ATP11A: variants seen among roughly 807,000 people sequenced by gnomAD.
ATP11A encodes ATPase phospholipid transporting 11A.
ATP11A carries 81 observed loss-of-function variants against 154.4 expected under a neutral mutation model. That is an observed-to-expected ratio of 0.52 (90% CI 0.44 to 0.63). The LOEUF is 0.63. ATP11A is among the 30% of genes least tolerant of loss of function. ATP11A has a pLI of 0.00. For missense variants in ATP11A, 1,316 were observed against 1,474.3 expected, an observed-to-expected ratio of 0.89 and a Z score of 1.76; for synonymous variants, 623 against 585.9, an observed-to-expected ratio of 1.06 and a Z score of -0.91.
At chr13:112,760,724 A>G (rs447717) in intron 1 of ATP11A, among the ~76,000 whole-genome samples, 38,597 of 152,166 alleles carry the variant, frequency 0.25, 6,671 homozygotes, top group African/African-American at 0.49. Flanking sequence ...AGTTACCAGC[A>G]TAGTTGTTAA....
At chr13:112,704,123 A>T (rs1245537503) in intron 1 of ATP11A, among the ~76,000 whole-genome samples, 1 of 152,254 alleles carries the variant, frequency 6.6e-6, no homozygotes, top group South Asian at 2.1e-4. Context: ...GGAGGGCTCG[A>T]GTGCCACACC....
intron 1 of ATP11A, among the ~76,000 whole-genome samples, chr13:112,768,429 G>T (rs141625696): frequency 6.6e-6 from 1 of 152,234 alleles, no homozygotes; most frequent in Non-Finnish European, 1.5e-5. Context: ...TTCAGACAGC[G>T]CATTCACAGA....
chr13:112,751,764 C>T (rs2076698889), intron 1 of ATP11A, among the ~76,000 whole-genome samples: 1 of 148,034 alleles, frequency 6.8e-6, no homozygotes, highest in Non-Finnish European at 1.5e-5. Context: ...GGGTCTTACT[C>T]TGTCACCCAG....
chr13:112,775,833 C>A (rs1054337687), intron 1 of ATP11A, among the ~76,000 whole-genome samples: 1 of 152,186 alleles, frequency 6.6e-6, no homozygotes. Flanking sequence ...TGGCGCAGGG[C>A]GGGCGCGACT....
intron 1 of ATP11A, among the ~76,000 whole-genome samples, chr13:112,761,203 A>G (rs1319876844): frequency 6.6e-6 from 1 of 152,154 alleles, no homozygotes; most frequent in Non-Finnish European, 1.5e-5. Flanking sequence ...TGACTTCATC[A>G]TGGCCCCAAA....
intron 6 of ATP11A, among the ~76,000 whole-genome samples, chr13:112,818,807 G>A (rs2078716664): frequency 1.3e-5 from 2 of 152,242 alleles, no homozygotes; most frequent in South Asian, 2.1e-4. Flanking sequence ...TAAAACTCAC[G>A]TTGAGACAGG....
At chr13:112,831,934 C>T (rs1316410161) in intron 13 of ATP11A, among the ~76,000 whole-genome samples, 1 of 136,288 alleles carries the variant, frequency 7.3e-6, no homozygotes, top group African/African-American at 3.1e-5. Context: ...CACACACAGA[C>T]ACACATGCAC....
rs61961138 is a variant in ATP11A at position 112,754,940 on chromosome 13, C to G, written c.40-30195C>G. On this transcript the variant is annotated intron_variant, in intron 1 of 29. Transcript: ENST00000375645. The surrounding 1 kb of genome is among the most constrained non-coding windows in gnomAD (Gnocchi z 5.3). Reference sequence around the variant, plus strand: ...CCCCTCCCGAGCGCGTGTGCCTGACCTGCTCCGCGGTGGGCGCAGAGCTCC... The same window carrying G: ...CCCCTCCCGAGCGCGTGTGCCTGACGTGCTCCGCGGTGGGCGCAGAGCTCC... Among the ~76,000 whole-genome samples the G allele has an allele frequency of 6.6e-6, 1 of 152,230 alleles. No homozygotes were observed. The highest frequency in any genetic ancestry group is 2.4e-5 in the African/African-American group (1 of 41,456).
chr13:112,797,322 A>G (rs973738469), intron 2 of ATP11A, among the ~76,000 whole-genome samples: 10 of 151,052 alleles, frequency 6.6e-5, no homozygotes, highest in African/African-American at 2.4e-4. Flanking sequence ...CCATATATGC[A>G]TAATGAAAAA....
intron 1 of ATP11A, among the ~76,000 whole-genome samples, chr13:112,716,646 C>T (rs1888490747): frequency 1.3e-5 from 2 of 152,148 alleles, no homozygotes; most frequent in African/African-American, 4.8e-5. Context: ...GGTCCTGACT[C>T]TCACCCATGT....
At chr13:112,788,935 G>T (rs183348629) in intron 2 of ATP11A, among the ~76,000 whole-genome samples, 1 of 152,092 alleles carries the variant, frequency 6.6e-6, no homozygotes, top group African/African-American at 2.4e-5. Flanking sequence ...GTAGATCCCT[G>T]TGGAGACCTA....
At chr13:112,849,697 CGTT>C (rs1022876949) in intron 17 of ATP11A, among the ~76,000 whole-genome samples, 10 of 152,198 alleles carry the variant, frequency 6.6e-5, no homozygotes, top group African/African-American at 2.2e-4. Context: ...ATTCAGCAAA[CGTT>C]GTTGAGTTTT....
At chr13:112,764,261 C>T (rs1289064796) in intron 1 of ATP11A, among the ~76,000 whole-genome samples, 3 of 152,182 alleles carry the variant, frequency 2.0e-5, no homozygotes, top group Non-Finnish European at 2.9e-5. Context: ...CTGACACCTG[C>T]GGGGCCCCGG....
chr13:112,758,842 C>T (rs1056482522), intron 1 of ATP11A, among the ~76,000 whole-genome samples: 7 of 152,216 alleles, frequency 4.6e-5, no homozygotes, highest in African/African-American at 7.2e-5. Flanking sequence ...CAGAACGGTT[C>T]ATTACCGTGG....
chr13:112,717,537 C>T (rs999647310), intron 1 of ATP11A: 1 of 152,250 alleles, frequency 6.6e-6, no homozygotes, highest in Non-Finnish European at 1.5e-5. Flanking sequence ...TTTGATGCTT[C>T]TGGTCTGAAT....
chr13:112,809,818 A>G (rs2078437703), intron 4 of ATP11A, among the ~76,000 whole-genome samples: 1 of 152,224 alleles, frequency 6.6e-6, no homozygotes. Context: ...TGTGTGCAGC[A>G]TCTCCTATTG....
intron 1 of ATP11A, among the ~76,000 whole-genome samples, chr13:112,714,882 C>T (rs182866045): frequency 2.0e-5 from 3 of 152,326 alleles, no homozygotes; most frequent in Non-Finnish European, 4.4e-5. Context: ...ACTGCCCCCC[C>T]GCAGAACTTC....
intron 1 of ATP11A, among the ~76,000 whole-genome samples, chr13:112,722,201 G>A (rs1039121333): frequency 6.6e-6 from 1 of 150,842 alleles, no homozygotes; most frequent in African/African-American, 2.4e-5. Flanking sequence ...TACATTTTAG[G>A]GAGACATGAG....
rs1181315087 is a variant in ATP11A, at chr13:112,875,847, C to A, written c.3233C>A (p.Ala1078Asp). The change falls in exon 28 of 30, where the codon GCC becomes GAC. Residue 1078 changes from alanine (A) to aspartate (D), a missense_variant. Physicochemically the swap from Ala to Asp is moderately radical, Grantham distance 126 (BLOSUM62 -2). This residue lies in a region of ATP11A where 294 missense variants were observed against 290.2 expected (regional missense o/e 1.01). Coordinates refer to ENST00000375645, the MANE Select transcript of ATP11A (RefSeq NM_015205.3). The surrounding 1 kb of genome is among the most constrained non-coding windows in gnomAD (Gnocchi z 4.1). Reference protein sequence around the residue: ...QMLSSGPAWLAIVLLVTISLL... With the variant: ...QMLSSGPAWLDIVLLVTISLL... ...CTGTCCAGCGGGCCCGCCTGGCTGG[C>A]CATCGTGCTGCTGGTGACCATCAGC... The A allele has an allele frequency of 6.2e-7, 1 of 1,613,952 alleles. No individual in the cohort carries two copies.
Sources: gnomAD v4.1 joint callset for allele counts (sites outside exome capture counted in the v4.1 genomes callset) on GRCh38, gnomAD v4.1.1 for gene constraint, gnomAD v4.1.1 regional missense constraint, Gnocchi (gnomAD v3.1) non-coding constraint, MANE v1.5 for transcripts, NCBI Gene and HGNC (gene_info 2026-07-23, HGNC 2026-07-21) for gene names.